FAM110B: variants seen among roughly 807,000 people sequenced by gnomAD.
The protein encoded by FAM110B is family with sequence similarity 110 member B, also known as protein FAM110B.
In FAM110B, 6 loss-of-function variants were observed where a neutral mutation model predicts 20.4. The ratio of observed to expected loss-of-function variants is 0.29; its 90% CI spans 0.16 to 0.58. FAM110B has a LOEUF of 0.58. FAM110B is among the 20% of genes least tolerant of loss of function. The probability of loss-of-function intolerance (pLI) is 0.90; values close to 1 mark genes in which losing one functional copy is unlikely to be tolerated. For missense variants in FAM110B, 434 were observed against 498.2 expected, an observed-to-expected ratio of 0.87 and a Z score of 1.23; for synonymous variants, 226 against 214.1, an observed-to-expected ratio of 1.06 and a Z score of -0.49.
intron 3 of FAM110B, among the ~76,000 whole-genome samples, chr8:58,107,365 T>C (rs1011585260): frequency 6.6e-6 from 1 of 152,214 alleles, no homozygotes; most frequent in East Asian, 1.9e-4. Context: ...CTTTTCATTT[T>C]AAAAGAAGGC....
At chr8:58,137,996 C>A (rs886426629) in intron 3 of FAM110B, among the ~76,000 whole-genome samples, 1 of 152,236 alleles carries the variant, frequency 6.6e-6, no homozygotes, top group Non-Finnish European at 1.5e-5. Context: ...GAAGAAGCAT[C>A]ATTTTCCCCT....
rs4738649 is a variant in FAM110B, at chr8:58,147,716, A to G, written c.*373A>G. Reference sequence around the variant, plus strand: ...ATCAACTGGCTTTTAAGTTGAGAGCAGAATCTTTTTGAAATAAAAAGCCAC... The same window carrying G: ...ATCAACTGGCTTTTAAGTTGAGAGCGGAATCTTTTTGAAATAAAAAGCCAC... On this transcript the variant is annotated 3_prime_UTR_variant, in exon 4 of 4. Coordinates refer to ENST00000519262, the MANE Select transcript of FAM110B (RefSeq NM_001377989.1). 72,466 of 202,734 alleles carry G rather than the reference A, an allele frequency of 0.36. 13,269 individuals carry two copies. Among genetic ancestry groups the G allele is most frequent in the Non-Finnish European group, 0.39 (34,988 of 89,346 alleles). 12.6% of individuals were successfully genotyped at this position (202,734 alleles called of 1,614,324 possible). A position where few individuals can be genotyped will look rare whatever the true frequency, so the allele number is the denominator to read the frequency against.
intron 3 of FAM110B, among the ~76,000 whole-genome samples, chr8:58,126,691 GC>G (rs1807515237): frequency 6.6e-6 from 1 of 151,672 alleles, no homozygotes; most frequent in Admixed American, 6.6e-5. Flanking sequence ...ATGTCTATTT[GC>G]CCTTTTTATA....
At chr8:58,035,923 C>G (rs1805067208) in intron 2 of FAM110B, among the ~76,000 whole-genome samples, 1 of 152,114 alleles carries the variant, frequency 6.6e-6, no homozygotes, top group South Asian at 2.1e-4. Context: ...CCCAACTCCT[C>G]CTCCTTATGA....
chr8:58,123,568 T>C (rs1443154069), intron 3 of FAM110B, among the ~76,000 whole-genome samples: 1 of 152,188 alleles, frequency 6.6e-6, no homozygotes, highest in African/African-American at 2.4e-5. Flanking sequence ...TTTTGTATAA[T>C]TACACATTAT....
At chr8:58,017,129 G>A (rs7841432) in intron 1 of FAM110B, among the ~76,000 whole-genome samples, 75,707 of 151,996 alleles carry the variant, frequency 0.5, 20,079 homozygotes, top group African/African-American at 0.68. Flanking sequence ...GTGCTTCTCA[G>A]TCATGCAGCT....
chr8:58,069,909 G>A lies in FAM110B; in HGVS notation c.-413-5626G>A, dbSNP rs142233072. On this transcript the variant is annotated intron_variant, in intron 2 of 3. Transcript: ENST00000519262. Reference sequence around the variant, plus strand: ...GTTTCTCTAGATTTGAGGAAAATAAGAACACACTTTAAAAATCACTTATAG... The same window carrying A: ...GTTTCTCTAGATTTGAGGAAAATAAAAACACACTTTAAAAATCACTTATAG... Among the ~76,000 whole-genome samples the A allele has an allele frequency of 2.0e-3, 312 of 152,232 alleles. 4 individuals carry two copies. In the East Asian group the frequency reaches 0.05, roughly 24 times the overall value.
Position 58,146,895 on chromosome 8 carries a change from C to T in FAM110B, c.665C>T (p.Pro222Leu), listed in dbSNP as rs766164756. Residue 222 changes from proline (P) to leucine (L), a missense_variant, in exon 4 of 4, where the codon CCT becomes CTT. Coordinates refer to ENST00000519262, the MANE Select transcript of FAM110B (RefSeq NM_001377989.1). ...LKAIPCSSSAPPLPPKPKIAA... is the reference protein window; with the variant it reads ...LKAIPCSSSALPLPPKPKIAA... ...GCCATCCCCTGCAGTAGCTCTGCCC[C>T]TCCCCTGCCTCCCAAGCCCAAAATC... 1 of 1,614,206 alleles carries T rather than the reference C, an allele frequency of 6.2e-7. No homozygotes were observed. Among genetic ancestry groups the T allele is most frequent in the Middle Eastern group, 1.6e-4 (1 of 6,062 alleles).
chr8:58,147,497 C>G lies in FAM110B; in HGVS notation c.*154C>G. 2 of 936,720 alleles carry G rather than the reference C, an allele frequency of 2.1e-6. No homozygotes were observed. The highest frequency in any genetic ancestry group is 3.2e-6 in the Non-Finnish European group (2 of 631,078). The allele number at this position is 936,720 out of a possible 1,614,324, so 58.0% of individuals were successfully genotyped here. A position where few individuals can be genotyped will look rare whatever the true frequency, so the allele number is the denominator to read the frequency against. ...CATGCTTGTCAACATGGGGACTGAC[C>G]TGGCTTCCACGTCACCATCGCTACA... On this transcript the variant is annotated 3_prime_UTR_variant, in exon 4 of 4. Coordinates refer to ENST00000519262, the MANE Select transcript of FAM110B (RefSeq NM_001377989.1).
intron 3 of FAM110B, among the ~76,000 whole-genome samples, chr8:58,123,406 T>C (rs1178561003): frequency 6.6e-6 from 1 of 152,198 alleles, no homozygotes; most frequent in African/African-American, 2.4e-5. Context: ...TTAGTTCCAA[T>C]TCATCTGTAC....
Position 58,146,328 on chromosome 8 carries a change from G to C in FAM110B, c.98G>C (p.Gly33Ala), listed in dbSNP as rs1210961273. The C allele has an allele frequency of 6.2e-7, 1 of 1,613,874 alleles. No homozygotes were observed. Among genetic ancestry groups the C allele is most frequent in the Non-Finnish European group, 8.5e-7 (1 of 1,179,996 alleles). ...GTGCCCCTGCGCATCCTGAACAAGG[G>C]GCCAGACTACTTCCGCAGGCAGGCC... ...SAVPLRILNK[G>A]PDYFRRQAEP... The change falls in exon 4 of 4, where the codon GGG becomes GCG. Residue 33 changes from glycine (G) to alanine (A), a missense_variant. Around this residue, in one of 3 missense-constraint regions of FAM110B, gnomAD observed 56 missense variants for 82.1 expected, o/e 0.68. Transcript: ENST00000519262.
At chr8:58,085,626 T>C (rs1166744037) in intron 3 of FAM110B, among the ~76,000 whole-genome samples, 1 of 152,208 alleles carries the variant, frequency 6.6e-6, no homozygotes, top group African/African-American at 2.4e-5. Context: ...AGTTTCACAT[T>C]CATTTTTAGA....
At chr8:58,005,979 AT>A (rs924413861) in intron 1 of FAM110B, among the ~76,000 whole-genome samples, 1 of 150,590 alleles carries the variant, frequency 6.6e-6, no homozygotes, top group Non-Finnish European at 1.5e-5. Flanking sequence ...GCTCTTTATC[AT>A]TTTTTTTTCA....
At chr8:58,096,024 G>A (rs577499929) in intron 3 of FAM110B, among the ~76,000 whole-genome samples, 7 of 152,150 alleles carry the variant, frequency 4.6e-5, no homozygotes, top group East Asian at 1.9e-4. Context: ...GATCTTTGTT[G>A]ACTTAAACTC....
chr8:58,128,103 C>T (rs537293850), intron 3 of FAM110B, among the ~76,000 whole-genome samples: 2 of 152,340 alleles, frequency 1.3e-5, no homozygotes, highest in East Asian at 1.9e-4. Flanking sequence ...GTATGACAGA[C>T]AGGCCCTGTG....
chr8:58,032,664 C>T (rs547545015), intron 2 of FAM110B: 1 of 152,298 alleles, frequency 6.6e-6, no homozygotes, highest in African/African-American at 2.4e-5. Context: ...CACTGGCACA[C>T]CTATGCACTT....
chr8:58,126,777 C>T (rs1807517558), intron 3 of FAM110B, among the ~76,000 whole-genome samples: 1 of 152,048 alleles, frequency 6.6e-6, no homozygotes, highest in Non-Finnish European at 1.5e-5. Flanking sequence ...GTTCTGAGAA[C>T]TCTTTGTATG....
At chr8:58,005,492 T>G (rs938311903) in intron 1 of FAM110B, among the ~76,000 whole-genome samples, 1 of 152,254 alleles carries the variant, frequency 6.6e-6, no homozygotes, top group Non-Finnish European at 1.5e-5. Context: ...ACTTGTTTGA[T>G]GCTGAATTGC....
At chr8:58,124,170 C>G (rs894870449) in intron 3 of FAM110B, among the ~76,000 whole-genome samples, 1 of 152,192 alleles carries the variant, frequency 6.6e-6, no homozygotes, top group Non-Finnish European at 1.5e-5. Context: ...GGATTGGGCT[C>G]TATTTTACTG....
Sources: allele counts gnomAD v4.1 joint callset (sites outside exome capture counted in the v4.1 genomes callset), GRCh38; gene constraint gnomAD v4.1.1; regional missense constraint gnomAD v4.1.1; transcripts MANE v1.5; gene names NCBI Gene and HGNC (gene_info 2026-07-23, HGNC 2026-07-21).